CDK15: variants seen among roughly 807,000 people sequenced by gnomAD.
CDK15 encodes the protein cyclin-dependent kinase 15.
CDK15 carries 62 observed loss-of-function variants against 60.3 expected under a neutral mutation model. The ratio of observed to expected loss-of-function variants is 1.03; its 90% confidence interval spans 0.84 to 1.27. The LOEUF is 1.27. Among genes scored for constraint, CDK15 ranks in the 50% most tolerant of loss-of-function variants. CDK15 has a pLI of 0.00. For synonymous variants in CDK15, 194 were observed against 195.7 expected (o/e 0.99, Z 0.07); for missense variants, 541 against 527.8 (o/e 1.03, Z -0.25).
intron 4 of CDK15, among the ~76,000 whole-genome samples, chr2:201,812,973 T>G (rs1695837113): frequency 6.6e-6 from 1 of 152,242 alleles, no homozygotes; most frequent in South Asian, 2.1e-4. Context: ...CCAGAAGGCA[T>G]GCATGTTTAG....
At chr2:201,809,559 G>T (rs1209141138) in intron 3 of CDK15, among the ~76,000 whole-genome samples, 2 of 152,106 alleles carry the variant, frequency 1.3e-5, no homozygotes, top group Non-Finnish European at 2.9e-5. Context: ...TGTGCTGCAT[G>T]ATTTTAATTA....
At chr2:201,843,466 C>T (rs1451336259) in intron 8 of CDK15, among the ~76,000 whole-genome samples, 2 of 152,082 alleles carry the variant, frequency 1.3e-5, no homozygotes, top group Non-Finnish European at 2.9e-5. Context: ...ACAATGCTTA[C>T]ACCTAGAACA....
chr2:201,840,953 T>C (rs1697348976), intron 8 of CDK15, among the ~76,000 whole-genome samples: 1 of 152,210 alleles, frequency 6.6e-6, no homozygotes, highest in Non-Finnish European at 1.5e-5. Flanking sequence ...TTTTGAATAT[T>C]GACTCTATTC....
At chr2:201,871,857 G>A (rs564532543) in intron 10 of CDK15, among the ~76,000 whole-genome samples, 5 of 152,038 alleles carry the variant, frequency 3.3e-5, no homozygotes, top group South Asian at 4.2e-4. Flanking sequence ...GTTGATGGTC[G>A]TCTTCTCCTT....
chr2:201,839,570 G>T (rs1313859774), intron 8 of CDK15, among the ~76,000 whole-genome samples: 3 of 152,084 alleles, frequency 2.0e-5, no homozygotes, highest in Non-Finnish European at 4.4e-5. Flanking sequence ...TATGTAAGAG[G>T]ATACTTTGGT....
intron 9 of CDK15, among the ~76,000 whole-genome samples, chr2:201,850,072 T>C (rs913240661): frequency 6.6e-6 from 1 of 152,140 alleles, no homozygotes; most frequent in Non-Finnish European, 1.5e-5. Flanking sequence ...ATCCACCCGC[T>C]TTGGCCTCCC....
chr2:201,812,084 G>A lies in CDK15; in HGVS notation c.369-399G>A, dbSNP rs558625551. On this transcript the variant is annotated intron_variant, in intron 3 of 13. Transcript: ENST00000652192. ...AGCTTCTTGGGAGGCTGAGGCAGGA[G>A]AATTGCTTGAACCCAGGAGGTGGAG... is the stretch of plus-strand genomic sequence containing the variant. 4.1e-4 allele frequency among the ~76,000 whole-genome samples: 61 copies of A among 149,936 alleles called. 1 individual carries two copies. The East Asian group carries it at 0.011, about 28-fold the overall frequency.
chr2:201,808,839 T>C (rs1000142668), intron 3 of CDK15: 10 of 151,974 alleles, frequency 6.6e-5, no homozygotes, highest in African/African-American at 2.4e-4. Context: ...ATTATTTATC[T>C]TAGTATTTAT....
intron 10 of CDK15, chr2:201,861,218 T>C (rs1698378643): frequency 2.9e-6 from 3 of 1,024,656 alleles, no homozygotes; most frequent in Non-Finnish European, 3.5e-6. Flanking sequence ...AATCCTATCA[T>C]TGTAAAAGTG....
intron 6 of CDK15, among the ~76,000 whole-genome samples, chr2:201,828,135 G>C (rs937377611): frequency 6.6e-6 from 1 of 152,140 alleles, no homozygotes; most frequent in East Asian, 1.9e-4. Context: ...AGAAGAAGTT[G>C]GTTTGGAGAG....
Position 201,881,446 on chromosome 2 carries a change from G to A in CDK15, c.1198+1279G>A, listed in dbSNP as rs144731058. ...ACAAGAGACTTGTCCTTGGCCTCCA[G>A]GTTCTTATGAAGTGGGAGGAAAAGA... On this transcript the variant is annotated intron_variant, in intron 12 of 13. Transcript: ENST00000652192. Among the ~76,000 whole-genome samples the A allele has an allele frequency of 2.6e-5, 4 of 152,272 alleles. No individual in the cohort carries two copies. In the East Asian group the frequency reaches 7.7e-4, roughly 29 times the overall value.
At chr2:201,876,340 C>T (rs986615412) in intron 11 of CDK15, among the ~76,000 whole-genome samples, 4 of 152,172 alleles carry the variant, frequency 2.6e-5, no homozygotes, top group African/African-American at 7.2e-5. Context: ...TTTGTTTTCC[C>T]GGGACTCTTT....
chr2:201,859,119 G>T (rs1698273636), intron 10 of CDK15, among the ~76,000 whole-genome samples: 1 of 152,122 alleles, frequency 6.6e-6, no homozygotes, highest in Admixed American at 6.5e-5. Context: ...GAGAGAGTTT[G>T]GTGAGTCTTA....
Position 201,806,754 on chromosome 2 carries a change from G to A in CDK15, c.90G>A (p.Arg30=), listed in dbSNP as rs747573179. The change falls in exon 1 of 14, where the codon AGG becomes AGA. Residue 30 remains arginine, a synonymous_variant. Coordinates refer to ENST00000652192, the MANE Select transcript of CDK15 (RefSeq NM_001366386.2). The part of the protein sequence containing the change: ...SEGGEAHSCR[R]SQPETTEAAF... ...GAGGCGAGGCACACAGCTGTCGGAG[G>A]AGTCAGCCTGAGACCACGGAGGCTG... The A allele has an allele frequency of 6.3e-5, 100 of 1,598,398 alleles. No individual in the cohort carries two copies. The highest frequency in any genetic ancestry group is 8.1e-5 in the Non-Finnish European group (95 of 1,179,712).
chr2:201,835,193 A>G (rs1191767985), intron 7 of CDK15, among the ~76,000 whole-genome samples: 1 of 152,216 alleles, frequency 6.6e-6, no homozygotes, highest in Admixed American at 6.5e-5. Flanking sequence ...CTAAGCAGGC[A>G]GAGCATGTAT....
At chr2:201,845,143 T>A (rs1697593599) in intron 8 of CDK15, among the ~76,000 whole-genome samples, 2 of 126,102 alleles carry the variant, frequency 1.6e-5, no homozygotes, top group Non-Finnish European at 3.4e-5. Flanking sequence ...AGTGAGACCC[T>A]GTCTCAAAAA....
At chr2:201,827,261 C>T (rs372948481) in intron 6 of CDK15, among the ~76,000 whole-genome samples, 3 of 152,120 alleles carry the variant, frequency 2.0e-5, no homozygotes, top group African/African-American at 7.2e-5. Context: ...GCATGGGCAA[C>T]ATAGCAAGAC....
At chr2:201,855,293 T>C (rs1311184742) in intron 10 of CDK15, among the ~76,000 whole-genome samples, 2 of 152,212 alleles carry the variant, frequency 1.3e-5, no homozygotes, top group African/African-American at 2.4e-5. Context: ...TTGATTAGTA[T>C]TGAATTGCAT....
In CDK15 at chr2:201,808,034, T is replaced by C. The variant is rs565287827; in HGVS notation, c.368+82T>C. Reference sequence around the variant, plus strand: ...TCATATTATAAAGCCAGGTGAGACATCATAGAAGTTCATAGCACTCAGGAC... The same window carrying C: ...TCATATTATAAAGCCAGGTGAGACACCATAGAAGTTCATAGCACTCAGGAC... On this transcript the variant is annotated intron_variant, in intron 3 of 13. Transcript: ENST00000652192. 1.9e-5 allele frequency: 21 copies of C among 1,119,964 alleles called. No individual in the cohort carries two copies. In the East Asian group the frequency reaches 5.0e-4, roughly 26 times the overall value. The allele number at this position is 1,119,964 out of a possible 1,614,324, so 69.4% of individuals were successfully genotyped here.
Sources: allele counts gnomAD v4.1 joint callset (sites outside exome capture counted in the v4.1 genomes callset), GRCh38; gene constraint gnomAD v4.1.1; transcripts MANE v1.5; gene names NCBI Gene and HGNC (gene_info 2026-07-23, HGNC 2026-07-21).